CDK13: variants seen among roughly 807,000 people sequenced by gnomAD.
CDK13 encodes cyclin-dependent kinase 13.
In CDK13, 40 loss-of-function variants were observed where a neutral mutation model predicts 137.6. That is an observed-to-expected ratio of 0.29 (90% confidence interval 0.23 to 0.38). The LOEUF (loss-of-function observed/expected upper bound fraction) is 0.38, where lower values mean the gene tolerates loss of function less well. CDK13 is among the 10% of genes least tolerant of loss of function. The probability of loss-of-function intolerance (pLI) is 1.00; values close to 1 mark genes in which losing one functional copy is unlikely to be tolerated. For synonymous variants in CDK13, 869 were observed against 760.1 expected (o/e 1.14, Z -2.36); for missense variants, 1,704 against 1,951.8 (o/e 0.87, Z 2.39).
intron 11 of CDK13, among the ~76,000 whole-genome samples, chr7:40,079,380 T>C (rs952131199): frequency 6.6e-6 from 1 of 151,870 alleles, no homozygotes; most frequent in Non-Finnish European, 1.5e-5. Flanking sequence ...GATCATGGCA[T>C]TGCACTCCAG....
intron 1 of CDK13, among the ~76,000 whole-genome samples, chr7:39,983,326 T>A (rs1325589782): frequency 1.3e-5 from 2 of 152,168 alleles, no homozygotes; most frequent in South Asian, 4.1e-4. Context: ...TTTCACCATG[T>A]TAGCCAGGAT....
At chr7:40,037,651 G>A (rs1288541878) in intron 5 of CDK13, among the ~76,000 whole-genome samples, 2 of 152,308 alleles carry the variant, frequency 1.3e-5, no homozygotes, top group Middle Eastern at 3.4e-3. Flanking sequence ...CATTTTGGAG[G>A]CTTGCTACTG....
At chr7:40,033,799 C>T (rs1469327494) in intron 5 of CDK13, among the ~76,000 whole-genome samples, 1 of 152,104 alleles carries the variant, frequency 6.6e-6, no homozygotes, top group East Asian at 1.9e-4. Context: ...TTTTAGTGAA[C>T]CTGTGTCCCT....
chr7:39,956,108 T>A (rs1787400557), intron 1 of CDK13, among the ~76,000 whole-genome samples: 1 of 151,812 alleles, frequency 6.6e-6, no homozygotes, highest in Non-Finnish European at 1.5e-5. Context: ...AAAAAAAAAC[T>A]CAAAAAATAT....
chr7:40,054,337 T>C (rs900592783), intron 7 of CDK13, among the ~76,000 whole-genome samples: 2 of 152,324 alleles, frequency 1.3e-5, no homozygotes, highest in Non-Finnish European at 2.9e-5. Context: ...TCTTGAAATA[T>C]CTAATGAGAA....
At position 40,094,559 on chromosome 7, in the gene CDK13, A is replaced by G. The variant is rs1470069932; in HGVS notation, c.4118A>G (p.Asp1373Gly). The G allele has an allele frequency of 2.5e-6, 4 of 1,611,580 alleles. No homozygotes were observed. The highest frequency in any genetic ancestry group is 1.3e-5 in the African/African-American group (1 of 74,828). ...LERRSFIGNS[D>G]IQSLDNYSTA... ...CGACGTAGTTTCATTGGAAATTCAG[A>G]TATTCAGTCTTTGGATAACTACAGT... The change falls in exon 14 of 14, where the codon GAT (aspartate) becomes GGT (glycine). Residue 1373 changes from aspartate (D) to glycine (G), a missense_variant. Asp to Gly is a moderately conservative substitution (Grantham distance 94). Transcript: ENST00000181839.
intron 7 of CDK13, among the ~76,000 whole-genome samples, chr7:40,053,953 C>G (rs563847004): frequency 6.6e-6 from 1 of 152,234 alleles, no homozygotes; most frequent in South Asian, 2.1e-4. Context: ...TTTGCAAGAT[C>G]ACACAACCAA....
chr7:40,019,709 C>T (rs1440366910), intron 5 of CDK13, among the ~76,000 whole-genome samples: 1 of 152,120 alleles, frequency 6.6e-6, no homozygotes, highest in East Asian at 1.9e-4. Context: ...CAAGTTGGCA[C>T]ATGAAATTAA....
At chr7:39,985,566 G>T (rs552936454) in intron 1 of CDK13, 1 of 152,272 alleles carries the variant, frequency 6.6e-6, no homozygotes, top group African/African-American at 2.4e-5. Flanking sequence ...CTTCACAGTG[G>T]TTATACTAAT....
Position 39,951,354 on chromosome 7 carries a change from G to T in CDK13, c.713G>T (p.Ser238Ile), listed in dbSNP as rs749045043. The T allele has an allele frequency of 2.0e-6, 3 of 1,492,682 alleles. No homozygotes were observed. Among genetic ancestry groups the T allele is most frequent in the South Asian group, 1.3e-5 (1 of 79,138 alleles). The allele number at this position is 1,492,682 out of a possible 1,614,324, so 92.5% of individuals were successfully genotyped here. A position where few individuals can be genotyped will look rare whatever the true frequency, so the allele number is the denominator to read the frequency against. Reference sequence around the variant, plus strand: ...AAGTCCCGCAGCCGCCACAGCCACAGCGGCGAGGAACGGGCCGAGGTCGCC... The same window carrying T: ...AAGTCCCGCAGCCGCCACAGCCACATCGGCGAGGAACGGGCCGAGGTCGCC... ...ASKSRSRHSH[S>I]GEERAEVAKS... Residue 238 changes from serine to isoleucine, a missense_variant, in exon 1 of 14, where the codon AGC becomes ATC. By Grantham distance (142) the Ser-to-Ile change is moderately radical. Coordinates refer to ENST00000181839, the MANE Select transcript of CDK13 (RefSeq NM_003718.5).
At chr7:39,999,536 C>A in intron 4 of CDK13, 36 bp downstream of exon 4, 1 of 1,547,034 alleles carries the variant, frequency 6.5e-7, no homozygotes, top group Admixed American at 2.0e-5. Flanking sequence ...TTTGGGCCTA[C>A]GGAATGTACT....
chr7:39,978,562 T>G lies in CDK13; in HGVS notation c.1212-9037T>G, dbSNP rs551292873. On this transcript the variant is annotated intron_variant, in intron 1 of 13. Transcript: ENST00000181839. ...GTCTGTTTTTAAATATCTTAGAGAT[T>G]TGAGTAATTTATTCCTTCAGGGGAA... Among the ~76,000 whole-genome samples the G allele has an allele frequency of 3.9e-5, 6 of 152,346 alleles. No homozygotes were observed. In the South Asian group the frequency reaches 1.2e-3, roughly 32 times the overall value.
At chr7:40,090,109 T>A (rs929786174) in intron 12 of CDK13, among the ~76,000 whole-genome samples, 1 of 152,210 alleles carries the variant, frequency 6.6e-6, no homozygotes, top group African/African-American at 2.4e-5. Flanking sequence ...GAAATGGCAA[T>A]AACAGAAATT....
At position 40,094,388 on chromosome 7, in the gene CDK13, A is replaced by G. The variant is rs1786997436; in HGVS notation, c.3947A>G (p.Lys1316Arg). Reference protein sequence around the residue: ...LAQHQPQDDPKREGGIDYQAG... With the variant: ...LAQHQPQDDPRREGGIDYQAG... ...CAGCATCAGCCCCAGGATGACCCCAAAAGAGAAGGTGGGATTGATTATCAA... is the reference window on the plus strand; with the variant it reads ...CAGCATCAGCCCCAGGATGACCCCAGAAGAGAAGGTGGGATTGATTATCAA... Residue 1316 changes from lysine to arginine, a missense_variant, in exon 14 of 14, where the codon AAA (lysine) becomes AGA (arginine). Around this residue, in one of 5 missense-constraint regions of CDK13, gnomAD observed 475 missense variants for 579.3 expected, o/e 0.82. Coordinates refer to ENST00000181839, the MANE Select transcript of CDK13 (RefSeq NM_003718.5). 3 of 1,613,974 alleles carry G rather than the reference A, an allele frequency of 1.9e-6. No individual in the cohort carries two copies. Among genetic ancestry groups the G allele is most frequent in the Non-Finnish European group, 2.5e-6 (3 of 1,179,990 alleles).
rs1258709717 is a variant in CDK13 at position 39,987,884 on chromosome 7, C to T, written c.1497C>T (p.Asn499=). Residue 499 remains asparagine (N), a synonymous_variant, in exon 2 of 14, where the codon AAC becomes AAT. Coordinates refer to ENST00000181839, the MANE Select transcript of CDK13 (RefSeq NM_003718.5). ...ACACTTCTACACCTACCAAGGGGAA[C>T]ACGGAAACTAGTGCCAGTGCATCAC... ...ASNTSTPTKG[N]TETSASASQT... 4.3e-6 allele frequency: 7 copies of T among 1,614,230 alleles called. No individual in the cohort carries two copies. Among genetic ancestry groups the T allele is most frequent in the Admixed American group, 1.7e-5 (1 of 60,020 alleles).
intron 5 of CDK13, among the ~76,000 whole-genome samples, chr7:40,044,519 A>G (rs1785690353): frequency 6.6e-6 from 1 of 151,350 alleles, no homozygotes; most frequent in South Asian, 2.1e-4. Context: ...GGGTTTCGAC[A>G]TGTTGCCCAG....
intron 2 of CDK13, among the ~76,000 whole-genome samples, chr7:39,991,347 A>G (rs1784451107): frequency 6.6e-6 from 1 of 152,216 alleles, no homozygotes; most frequent in African/African-American, 2.4e-5. Flanking sequence ...GATCACTTTA[A>G]AGAAGAGTGA....
At chr7:40,012,071 C>T (rs550746051) in intron 5 of CDK13, among the ~76,000 whole-genome samples, 1 of 152,126 alleles carries the variant, frequency 6.6e-6, no homozygotes, top group South Asian at 2.1e-4. Flanking sequence ...AAATCAAAAC[C>T]ACAGTGAGTT....
intron 5 of CDK13, among the ~76,000 whole-genome samples, chr7:40,036,565 C>T (rs978777588): frequency 3.0e-4 from 46 of 151,486 alleles, no homozygotes; most frequent in South Asian, 8.4e-4. Flanking sequence ...CGCGAGACTC[C>T]GTCTCAAAAA....
Sources: allele counts gnomAD v4.1 joint callset (sites outside exome capture counted in the v4.1 genomes callset), GRCh38; gene constraint gnomAD v4.1.1; regional missense constraint gnomAD v4.1.1; transcripts MANE v1.5; gene names NCBI Gene and HGNC (gene_info 2026-07-23, HGNC 2026-07-21).